SCAF8: variants seen among roughly 807,000 people sequenced by gnomAD.
The protein encoded by SCAF8 is SR-related CTD associated factor 8, also known as SR-related and CTD-associated factor 8.
SCAF8 carries 23 observed loss-of-function variants against 140.5 expected under a neutral mutation model. The observed-to-expected ratio is 0.16, with a 90% CI of 0.12 to 0.23. The LOEUF is 0.23. SCAF8 is among the 10% of genes least tolerant of loss of function. SCAF8 has a pLI of 1.00. For missense variants in SCAF8, 1,397 were observed against 1,555.7 expected, an observed-to-expected ratio of 0.90 and a Z score of 1.72; for synonymous variants, 575 against 528.9, an observed-to-expected ratio of 1.09 and a Z score of -1.20.
At chr6:154,741,862 G>T in intron 1 of SCAF8, 1 of 762,062 alleles carries the variant, frequency 1.3e-6, no homozygotes, top group Non-Finnish European at 2.2e-6. Flanking sequence ...AATCAACCTT[G>T]ACCTTGAACA....
intron 8 of SCAF8, among the ~76,000 whole-genome samples, chr6:154,804,116 C>G (rs1777846230): frequency 6.6e-6 from 1 of 151,552 alleles, no homozygotes; most frequent in African/African-American, 2.4e-5. Flanking sequence ...TCTGCAGTGC[C>G]CAAGGTTCTG....
At chr6:154,741,604 A>C (rs940322518) in intron 1 of SCAF8, among the ~76,000 whole-genome samples, 1 of 151,824 alleles carries the variant, frequency 6.6e-6, no homozygotes, top group Non-Finnish European at 1.5e-5. Context: ...ACGGGGTTTC[A>C]CCATGTTGGC....
intron 5 of SCAF8, among the ~76,000 whole-genome samples, chr6:154,794,303 A>G (rs1777521677): frequency 6.6e-6 from 1 of 152,048 alleles, no homozygotes; most frequent in Admixed American, 6.5e-5. Flanking sequence ...ATATTTCCTC[A>G]TGTTACTGAA....
At chr6:154,759,271 C>G (rs1779041489) in intron 1 of SCAF8, among the ~76,000 whole-genome samples, 1 of 152,118 alleles carries the variant, frequency 6.6e-6, no homozygotes, top group African/African-American at 2.4e-5. Flanking sequence ...TTTTAATTCC[C>G]TCTATTCCAA....
rs1777787216 is a variant in SCAF8 at position 154,802,036 on chromosome 6, C to G, written c.672C>G (p.Ala224=). Residue 224 remains alanine, a synonymous_variant, in exon 7 of 20, where the codon GCC becomes GCG. Coordinates refer to ENST00000367178, the MANE Select transcript of SCAF8 (RefSeq NM_014892.5). ...QQKPQPSILQ[A]LDAGLVVQLQ... ...AGCCCCAGCCTTCCATTCTGCAGGC[C>G]CTAGATGCTGGTCTTGTTGTTCAGT... 1 of 1,612,624 alleles carries G rather than the reference C, an allele frequency of 6.2e-7. No homozygotes were observed. Among genetic ancestry groups the G allele is most frequent in the Admixed American group, 1.7e-5 (1 of 59,904 alleles).
chr6:154,785,253 G>A (rs1276152536), intron 3 of SCAF8, among the ~76,000 whole-genome samples: 1 of 152,074 alleles, frequency 6.6e-6, no homozygotes, highest in Non-Finnish European at 1.5e-5. Flanking sequence ...TTGACATTGT[G>A]TGTGTTTTCT....
At chr6:154,767,527 ATCTT>A (rs1373848690) in intron 1 of SCAF8, among the ~76,000 whole-genome samples, 67 of 98,194 alleles carry the variant, frequency 6.8e-4, no homozygotes, top group African/African-American at 2.4e-3. Context: ...TGCTTCTGTT[ATCTT>A]TTTTTTTTTT....
chr6:154,831,385 A>G (rs146453081), intron 19 of SCAF8, among the ~76,000 whole-genome samples: 52 of 151,968 alleles, frequency 3.4e-4, no homozygotes, highest in African/African-American at 1.1e-3. Context: ...TTTTTGTCCT[A>G]TTGGGACTAC....
intron 1 of SCAF8, among the ~76,000 whole-genome samples, chr6:154,766,928 A>G (rs1354965108): frequency 2.0e-5 from 3 of 152,068 alleles, no homozygotes; most frequent in Non-Finnish European, 2.9e-5. Context: ...ACAGTGTATA[A>G]TGAGCCTTAA....
Position 154,779,450 on chromosome 6 carries a change from A to T in SCAF8, c.159+1405A>T, listed in dbSNP as rs979392295. ...CACCGAGTGTGGAGAGGAACCTGAG[A>T]TTCTGCATTTGTAACAGCTCCTAGA... On this transcript the variant is annotated intron_variant, in intron 3 of 19. Coordinates refer to ENST00000367178, the MANE Select transcript of SCAF8 (RefSeq NM_014892.5). Among the ~76,000 whole-genome samples, 7 of 152,308 alleles carry T rather than the reference A, an allele frequency of 4.6e-5. No individual in the cohort carries two copies. In the East Asian group the frequency reaches 1.3e-3, roughly 29 times the overall value.
intron 19 of SCAF8, among the ~76,000 whole-genome samples, chr6:154,831,503 T>C (rs185807783): frequency 2.0e-5 from 3 of 152,086 alleles, no homozygotes; most frequent in African/African-American, 4.8e-5. Context: ...TTACTTCTAA[T>C]AGGTATTATC....
Position 154,742,073 on chromosome 6 carries a change from A to G in SCAF8, c.30+8143A>G, listed in dbSNP as rs79047815. On this transcript the variant is annotated intron_variant, in intron 1 of 19. Transcript: ENST00000367178. ...GCCCTTTGGAATATGTTAGGTTTCA[A>G]TTGGTAGTGGAATAGTGTATTTGAT... 2.2e-4 allele frequency: 264 copies of G among 1,180,160 alleles called. No homozygotes were observed. In the East Asian group the frequency reaches 3.5e-3, roughly 16 times the overall value. The allele number at this position is 1,180,160 out of a possible 1,614,324, so 73.1% of individuals were successfully genotyped here.
chr6:154,832,165 G>A lies in SCAF8; in HGVS notation c.2586G>A (p.Val862=), dbSNP rs979432827. 12 of 1,613,926 alleles carry A rather than the reference G, an allele frequency of 7.4e-6. No homozygotes were observed. Among genetic ancestry groups the A allele is most frequent in the Non-Finnish European group, 1.0e-5 (12 of 1,180,000 alleles). Residue 862 remains valine (V), a synonymous_variant, in exon 20 of 20, where the codon GTG becomes GTA. Transcript: ENST00000367178. ...TATTGGGAATACAGCCACCCAGTGT[G>A]TCAAATAGTTCTGGACTTTTGGGAG... ...SGILGIQPPS[V]SNSSGLLGVL... is the part of the protein sequence containing the mutation.
chr6:154,753,283 C>T (rs754353469), intron 1 of SCAF8, among the ~76,000 whole-genome samples: 4 of 152,024 alleles, frequency 2.6e-5, no homozygotes, highest in African/African-American at 2.4e-5. Flanking sequence ...CTAGTCAATA[C>T]GGTGAAACCC....
rs1180241547 is a variant in SCAF8, at chr6:154,833,260, T to C, written c.3681T>C (p.Pro1227=). The change falls in exon 20 of 20, where the codon CCT becomes CCC. Residue 1227 remains proline (P), a synonymous_variant. Transcript: ENST00000367178. ...CAGAGAGACATGCTCAGCCACCACC[T>C]ATACCAGTACAGAATGATCCTGAAC... ...ENTERHAQPP[P]IPVQNDPELY... 2.5e-6 allele frequency: 4 copies of C among 1,614,010 alleles called. No homozygotes were observed. Among genetic ancestry groups the C allele is most frequent in the Non-Finnish European group, 3.4e-6 (4 of 1,179,992 alleles).
chr6:154,832,821 G>A lies in SCAF8; in HGVS notation c.3242G>A (p.Arg1081Gln), dbSNP rs200552486. 3.3e-4 allele frequency: 532 copies of A among 1,613,852 alleles called. No homozygotes were observed. Among genetic ancestry groups the A allele is most frequent in the Non-Finnish European group, 4.4e-4 (517 of 1,179,994 alleles). Residue 1081 changes from arginine (R) to glutamine (Q), a missense_variant, in exon 20 of 20, where the codon CGA becomes CAA. Physicochemically the swap from Arg to Gln is conservative, Grantham distance 43. Coordinates refer to ENST00000367178, the MANE Select transcript of SCAF8 (RefSeq NM_014892.5). ...AGGCCAGGTATAGATCATCTTGGTCGAAGAGACCACTTTGGCTTTAATCCA... is the reference window on the plus strand; with the variant it reads ...AGGCCAGGTATAGATCATCTTGGTCAAAGAGACCACTTTGGCTTTAATCCA... ...LVRPGIDHLG[R>Q]RDHFGFNPEK...
rs377598363 is a variant in SCAF8 at position 154,813,971 on chromosome 6, A to C, written c.1421-1745A>C. On this transcript the variant is annotated intron_variant, in intron 12 of 19. Coordinates refer to ENST00000367178, the MANE Select transcript of SCAF8 (RefSeq NM_014892.5). ...GAATGCGTACCTGCTGACCCATAGT[A>C]GATCTTCAGAACTATAAGAGAATAT... Among the ~76,000 whole-genome samples the C allele has an allele frequency of 1.2e-4, 18 of 152,360 alleles. No homozygotes were observed. The East Asian group carries it at 2.7e-3, about 23-fold the overall frequency.
chr6:154,820,957 C>G lies in SCAF8; in HGVS notation c.1792+624C>G, dbSNP rs183518975. Reference sequence around the variant, plus strand: ...ATGCATACACCTTTTTTCTTCACACCTTAGCTCTTTTATCAGAGTTAGCTA... The same window carrying G: ...ATGCATACACCTTTTTTCTTCACACGTTAGCTCTTTTATCAGAGTTAGCTA... On this transcript the variant is annotated intron_variant, in intron 15 of 19. Coordinates refer to ENST00000367178, the MANE Select transcript of SCAF8 (RefSeq NM_014892.5). Among the ~76,000 whole-genome samples the G allele has an allele frequency of 7.2e-4, 110 of 152,082 alleles. 1 individual carries two copies. The highest frequency in any genetic ancestry group is 3.4e-4 in the Non-Finnish European group (23 of 67,972).
intron 1 of SCAF8, among the ~76,000 whole-genome samples, chr6:154,773,592 T>C (rs1233919596): frequency 2.0e-5 from 3 of 152,230 alleles, no homozygotes; most frequent in Non-Finnish European, 4.4e-5. Context: ...AAGTTCTTTG[T>C]GAATACATGT....
Sources: allele counts gnomAD v4.1 joint callset (sites outside exome capture counted in the v4.1 genomes callset), GRCh38; gene constraint gnomAD v4.1.1; transcripts MANE v1.5; gene names NCBI Gene and HGNC (gene_info 2026-07-23, HGNC 2026-07-21).